Variants in MTAP observed in about 807,000 individuals in gnomAD.
The protein encoded by MTAP is S-methyl-5'-thioadenosine phosphorylase.
MTAP carries 33 observed loss-of-function variants against 33.6 expected under a neutral mutation model. That is an observed-to-expected ratio of 0.98 (90% CI 0.74 to 1.31). The LOEUF is 1.31. MTAP is among the 40% of genes most tolerant of loss of function. MTAP has a pLI of 0.00. For synonymous variants in MTAP, 148 were observed against 125.7 expected, an observed-to-expected ratio of 1.18 and a Z score of -1.19; for missense variants, 367 against 360.0, an observed-to-expected ratio of 1.02 and a Z score of -0.16.
In MTAP at chr9:21,865,855, T is replaced by C. The variant is rs796443063; in HGVS notation, c.*3841T>C. The C allele has an allele frequency of 1.1e-6, 1 of 901,082 alleles. No homozygotes were observed. The highest frequency in any genetic ancestry group is 1.3e-6 in the Non-Finnish European group (1 of 752,204). The allele number at this position is 901,082 out of a possible 1,614,324, so 55.8% of individuals were successfully genotyped here. A position where few individuals can be genotyped will look rare whatever the true frequency, so the allele number is the denominator to read the frequency against. On this transcript the variant is annotated 3_prime_UTR_variant, in exon 8 of 8. Coordinates refer to ENST00000644715, the MANE Select transcript of MTAP (RefSeq NM_002451.4). Reference sequence around the variant, plus strand: ...TGTAGCTTGTGCCTTTTTTATTGCCTAGTAGTATTCTGTCATATGCCTATC... The same window carrying C: ...TGTAGCTTGTGCCTTTTTTATTGCCCAGTAGTATTCTGTCATATGCCTATC...
At position 21,865,644 on chromosome 9, in the gene MTAP, A is replaced by G. The variant is rs1235114451; in HGVS notation, c.*3630A>G. ...TGAAGACCATGGAAGAAAAGAAGGAATGCCAAAGATCGAGGAAATCTACCA... is the reference window on the plus strand; with the variant it reads ...TGAAGACCATGGAAGAAAAGAAGGAGTGCCAAAGATCGAGGAAATCTACCA... On this transcript the variant is annotated 3_prime_UTR_variant, in exon 8 of 8. Coordinates refer to ENST00000644715, the MANE Select transcript of MTAP (RefSeq NM_002451.4). 1.0e-6 allele frequency: 1 copy of G among 993,766 alleles called. No individual in the cohort carries two copies. The highest frequency in any genetic ancestry group is 1.7e-5 in the African/African-American group (1 of 57,600). 61.6% of individuals were successfully genotyped at this position (993,766 alleles called of 1,614,324 possible). A position where few individuals can be genotyped will look rare whatever the true frequency, so the allele number is the denominator to read the frequency against.
At chr9:21,870,779 CTT>C (rs777664959), downstream of MTAP, among the ~76,000 whole-genome samples, 10 of 131,014 alleles carry the variant, frequency 7.6e-5, no homozygotes, top group African/African-American at 8.4e-5. Flanking sequence ...ATTTTTTTTT[CTT>C]TTTTTTTTTT....
At chr9:21,868,928 A>G (rs1325997596), downstream of MTAP, among the ~76,000 whole-genome samples, 2 of 152,152 alleles carry the variant, frequency 1.3e-5, no homozygotes, top group Admixed American at 1.3e-4. Context: ...TGCATTTCCA[A>G]CAAGTTCCCA....
chr9:21,914,468 C>T (rs1392561123), intron 1 of MTAP, among the ~76,000 whole-genome samples: 2 of 152,098 alleles, frequency 1.3e-5, no homozygotes, highest in Non-Finnish European at 2.9e-5. Context: ...AGGATGAGTT[C>T]ATGTCCTTTG....
chr9:21,831,608 A>G (rs1212057884), intron 4 of MTAP, among the ~76,000 whole-genome samples: 1 of 152,258 alleles, frequency 6.6e-6, no homozygotes, highest in South Asian at 2.1e-4. Flanking sequence ...GATTATAGGC[A>G]TGAGCCACTG....
chr9:21,940,045 C>T (rs889152104), downstream of MTAP, among the ~76,000 whole-genome samples: 1 of 152,120 alleles, frequency 6.6e-6, no homozygotes, highest in Non-Finnish European at 1.5e-5. Context: ...CTTTGGGAGG[C>T]CGAGGCAGGT....
intron 5 of MTAP, among the ~76,000 whole-genome samples, chr9:21,850,640 C>A (rs1032664823): frequency 2.0e-5 from 3 of 152,202 alleles, no homozygotes; most frequent in African/African-American, 7.2e-5. Flanking sequence ...GTCCTGCCAT[C>A]TTCTGCAGAT....
chr9:21,858,333 C>T (rs942609507), intron 6 of MTAP, among the ~76,000 whole-genome samples: 39 of 152,134 alleles, frequency 2.6e-4, no homozygotes, highest in Non-Finnish European at 4.9e-4. Flanking sequence ...AGTCTGTTAT[C>T]ACATTGCTAT....
intron 1 of MTAP, among the ~76,000 whole-genome samples, chr9:21,876,722 A>G (rs1021879316): frequency 2.0e-5 from 3 of 152,062 alleles, no homozygotes; most frequent in South Asian, 2.1e-4. Flanking sequence ...CCATTGGTCT[A>G]TGTATCCTTT....
intron 4 of MTAP, among the ~76,000 whole-genome samples, chr9:21,829,713 T>A (rs1719420994): frequency 6.6e-6 from 1 of 152,162 alleles, no homozygotes; most frequent in Admixed American, 6.5e-5. Context: ...ATTTTATAGA[T>A]GGCCAAGCTA....
downstream of MTAP, chr9:21,936,070 AAT>A (rs568097274): frequency 2.7e-4 from 41 of 152,326 alleles, no homozygotes; most frequent in East Asian, 7.5e-3. Context: ...CGACCAAATA[AAT>A]ATGTTTTCTA....
chr9:21,915,002 TCC>T (rs1818654184), intron 1 of MTAP, among the ~76,000 whole-genome samples: 2 of 18,200 alleles, frequency 1.1e-4, no homozygotes, highest in African/African-American at 2.9e-4. Context: ...TTGTTTTCTT[TCC>T]TTCCTTCCTT....
chr9:21,803,022 A>ACACACACACACACACACACACACC, intron 1 of MTAP: 1 of 1,034,580 alleles, frequency 9.7e-7, no homozygotes, highest in Admixed American at 3.8e-5. Context: ...ACACACACAC[A>ACACACACACACACACACACACACC]CACACACACA....
chr9:21,802,887 C>G (rs1406343225), intron 1 of MTAP, 106 bp downstream of exon 1: 2 of 1,499,970 alleles, frequency 1.3e-6, no homozygotes, highest in Non-Finnish European at 1.8e-6. Flanking sequence ...CCCGTGCGTC[C>G]CTTGCCGCCG....
chr9:21,915,010 TCCTTCCTTCCTTCCTTCCTTCCTTC>T lies in MTAP; in HGVS notation c.148-15996_148-15972del, dbSNP rs1818655737. On this transcript the variant is annotated intron_variant, in intron 1 of 1. Coordinates refer to the MTAP transcript ENST00000577563. ...CAATACTTTGTTTTCTTTCCTTCCTTCCTTCCTTCCTTCCTTCCTTCCTTCCTTCCTTCCTTCCTTCCTTCCTTTC... is the reference window on the plus strand; with the variant it reads ...CAATACTTTGTTTTCTTTCCTTCCTTCTTCCTTCCTTCCTTCCTTCCTTTC... Among the ~76,000 whole-genome samples the T allele has an allele frequency of 5.0e-4, 37 of 74,458 alleles. 2 individuals carry two copies. The highest frequency in any genetic ancestry group is 2.9e-3 in the African/African-American group (35 of 12,232). 48.8% of individuals were successfully genotyped at this position (74,458 alleles called of 152,430 possible).
At chr9:21,887,418 A>G (rs1275137182) in intron 1 of MTAP, among the ~76,000 whole-genome samples, 1 of 152,112 alleles carries the variant, frequency 6.6e-6, no homozygotes, top group Non-Finnish European at 1.5e-5. Context: ...AGCTTCATCC[A>G]TGTCCCTACA....
intron 1 of MTAP, among the ~76,000 whole-genome samples, chr9:21,878,168 T>C (rs1826037931): frequency 6.6e-6 from 1 of 152,088 alleles, no homozygotes; most frequent in African/African-American, 2.4e-5. Flanking sequence ...CTTTGAGGTT[T>C]TCTTTTTATA....
chr9:21,875,055 A>G (rs1825986258), intron 1 of MTAP, among the ~76,000 whole-genome samples: 1 of 151,900 alleles, frequency 6.6e-6, no homozygotes, highest in Non-Finnish European at 1.5e-5. Context: ...TATGTGCCAC[A>G]TTTTCTTTAT....
intron 1 of MTAP, among the ~76,000 whole-genome samples, chr9:21,924,499 A>G (rs1305593024): frequency 1.3e-5 from 2 of 152,256 alleles, no homozygotes; most frequent in African/African-American, 4.8e-5. Context: ...GAAAATAGAC[A>G]GAAATCCCCT....
Sources: gnomAD v4.1 joint callset for allele counts (sites outside exome capture counted in the v4.1 genomes callset) on GRCh38, gnomAD v4.1.1 for gene constraint, MANE v1.5 for transcripts, NCBI Gene and HGNC (gene_info 2026-07-23, HGNC 2026-07-21) for gene names.